The following AKAP9 variants were observed in gnomAD, a reference collection of about 807,000 sequenced individuals.
AKAP9 encodes A-kinase anchoring protein 9.
Under a neutral mutation model 488.5 loss-of-function variants are expected in AKAP9, and 311 were observed. The ratio of observed to expected loss-of-function variants is 0.64; its 90% CI spans 0.58 to 0.70. The LOEUF is 0.70. AKAP9 is among the 30% of genes least tolerant of loss of function. The pLI is 0.00. For synonymous variants in AKAP9, 1,462 were observed against 1,483.5 expected (o/e 0.99, Z 0.33); for missense variants, 4,215 against 4,374.5 (o/e 0.96, Z 1.03).
intron 46 of AKAP9, among the ~76,000 whole-genome samples, chr7:92,104,845 G>A (rs1818266834): frequency 6.6e-6 from 1 of 152,020 alleles, no homozygotes; most frequent in African/African-American, 2.4e-5. Context: ...ATATAATCCT[G>A]CCTAAATACC....
intron 7 of AKAP9, among the ~76,000 whole-genome samples, chr7:91,998,756 A>G (rs1028078318): frequency 6.6e-6 from 1 of 152,088 alleles, no homozygotes; most frequent in Non-Finnish European, 1.5e-5. Flanking sequence ...TTACTTTCTC[A>G]TAGATTCCAA....
At chr7:92,057,461 G>A (rs924212446) in intron 22 of AKAP9, among the ~76,000 whole-genome samples, 1 of 151,992 alleles carries the variant, frequency 6.6e-6, no homozygotes, top group African/African-American at 2.4e-5. Flanking sequence ...TGTCTGGCAG[G>A]CTTTTTTGTG....
chr7:92,015,761 G>A (rs940726613), intron 10 of AKAP9, among the ~76,000 whole-genome samples: 2 of 152,108 alleles, frequency 1.3e-5, no homozygotes, highest in Non-Finnish European at 2.9e-5. Context: ...ATTTCTGAAC[G>A]TCCATCCTTG....
intron 35 of AKAP9, 33 bp downstream of exon 35, chr7:92,084,973 G>C: frequency 6.2e-7 from 1 of 1,607,442 alleles, no homozygotes. Flanking sequence ...TATTAACTCA[G>C]CCAGTGTTGT....
Position 91,994,755 on chromosome 7 carries a change from A to G in AKAP9, c.711A>G (p.Lys237=). The G allele has an allele frequency of 1.2e-6, 2 of 1,611,650 alleles. No homozygotes were observed. The highest frequency in any genetic ancestry group is 1.7e-6 in the Non-Finnish European group (2 of 1,179,106). Residue 237 remains lysine (K), a synonymous_variant, in exon 6 of 50, where the codon AAA becomes AAG. Coordinates refer to ENST00000356239, the MANE Select transcript of AKAP9 (RefSeq NM_005751.5). ...EFLELTEQSQ[K]LQIQFQQLQA... is the part of the protein sequence containing the mutation. ...TAGAGTTGACAGAACAGAGTCAAAA[A>G]TTACAGATTCAATTTCAGCAAGTAA...
At chr7:91,979,004 C>A (rs535318774) in intron 2 of AKAP9, among the ~76,000 whole-genome samples, 1 of 147,828 alleles carries the variant, frequency 6.8e-6, no homozygotes, top group East Asian at 2.0e-4. Flanking sequence ...TCTCGAACTC[C>A]TGACCTTAAA....
Position 92,062,400 on chromosome 7 carries a change from C to T in AKAP9, c.5891C>T (p.Ala1964Val), listed in dbSNP as rs749616629. 6.2e-7 allele frequency: 1 copy of T among 1,613,772 alleles called. No individual in the cohort carries two copies. The highest frequency in any genetic ancestry group is 1.1e-5 in the South Asian group (1 of 91,072). Residue 1964 changes from alanine to valine, a missense_variant, in exon 24 of 50, where the codon GCA becomes GTA. Ala to Val is a moderately conservative substitution (Grantham distance 64). Coordinates refer to ENST00000356239, the MANE Select transcript of AKAP9 (RefSeq NM_005751.5). ...CASNRLQELE[A>V]EQQQIQEERE... is the part of the protein sequence containing the mutation. Reference sequence around the variant, plus strand: ...AGTAACAGGTTGCAAGAATTGGAGGCAGAGCAACAGCAGATCCAAGAAGAA... The same window carrying T: ...AGTAACAGGTTGCAAGAATTGGAGGTAGAGCAACAGCAGATCCAAGAAGAA...
At chr7:92,040,406 A>T (rs1197782767) in intron 17 of AKAP9, among the ~76,000 whole-genome samples, 1 of 151,986 alleles carries the variant, frequency 6.6e-6, no homozygotes, top group African/African-American at 2.4e-5. Context: ...TTTTTTTTCT[A>T]TTAGAATTAG....
At chr7:92,093,383 G>T in intron 39 of AKAP9, 67 bp downstream of exon 39, 2 of 1,357,564 alleles carry the variant, frequency 1.5e-6, no homozygotes, top group Non-Finnish European at 2.1e-6. Context: ...TAAACACTGT[G>T]CAAATATAGA....
intron 1 of AKAP9, among the ~76,000 whole-genome samples, chr7:91,952,295 A>G (rs1439372424): frequency 6.6e-6 from 1 of 152,226 alleles, no homozygotes; most frequent in African/African-American, 2.4e-5. Flanking sequence ...AATATGATTG[A>G]ACACTTACTA....
rs1809749118 is a variant in AKAP9, at chr7:92,061,331, G to A, written c.5673G>A (p.Glu1891=). The change falls in exon 23 of 50, where the codon GAG becomes GAA. Residue 1891 remains glutamate (E), a synonymous_variant. Coordinates refer to ENST00000356239, the MANE Select transcript of AKAP9 (RefSeq NM_005751.5). Reference sequence around the variant, plus strand: ...TTAGACAGAAACAAGAAGCAACAGAGTCCCTTAAGTGCCAAGAGGAACTTC... The same window carrying A: ...TTAGACAGAAACAAGAAGCAACAGAATCCCTTAAGTGCCAAGAGGAACTTC... ...ESFRQKQEAT[E]SLKCQEELRE... 2 of 1,613,180 alleles carry A rather than the reference G, an allele frequency of 1.2e-6. No homozygotes were observed. Among genetic ancestry groups the A allele is most frequent in the Non-Finnish European group, 1.7e-6 (2 of 1,179,498 alleles).
rs192046591 is a variant in AKAP9, at chr7:92,031,506, A to T, written c.4246-6A>T. 6.1e-4 allele frequency: 978 copies of T among 1,601,330 alleles called. No individual in the cohort carries two copies. Among genetic ancestry groups the T allele is most frequent in the Non-Finnish European group, 7.8e-4 (908 of 1,168,924 alleles). On this transcript the variant is annotated splice_polypyrimidine_tract_variant and splice_region_variant and intron_variant, in intron 15 of 49. Coordinates refer to ENST00000356239, the MANE Select transcript of AKAP9 (RefSeq NM_005751.5). ...AATAAATGTCATATTTTGCTTTTAA[A>T]TGTAGTTTTCTGGTGAATTTGGAGT...
In AKAP9 at chr7:92,052,248, C is replaced by T. The variant is rs147641252; in HGVS notation, c.5369-478C>T. Among the ~76,000 whole-genome samples, 348 of 151,226 alleles carry T rather than the reference C, an allele frequency of 2.3e-3. 2 individuals are homozygous for T. The highest frequency in any genetic ancestry group is 8.1e-3 in the African/African-American group (332 of 40,904). Reference sequence around the variant, plus strand: ...GTAGGCTCAAAAGTCAGTCTGCTCCCGAAAAATCCAAGCACTTATTTCTAT... The same window carrying T: ...GTAGGCTCAAAAGTCAGTCTGCTCCTGAAAAATCCAAGCACTTATTTCTAT... On this transcript the variant is annotated intron_variant, in intron 21 of 49. Transcript: ENST00000356239.
chr7:92,049,322 A>C (rs541718836), intron 21 of AKAP9, among the ~76,000 whole-genome samples: 1 of 152,136 alleles, frequency 6.6e-6, no homozygotes, highest in Non-Finnish European at 1.5e-5. Context: ...ATTAAAAATA[A>C]AGTTTAGGGC....
chr7:91,945,476 C>G (rs1791352849), intron 1 of AKAP9, among the ~76,000 whole-genome samples: 1 of 152,162 alleles, frequency 6.6e-6, no homozygotes, highest in South Asian at 2.1e-4. Context: ...CACTGTACTC[C>G]AGCCTGGGTG....
At chr7:91,954,501 C>A (rs1454984743) in intron 1 of AKAP9, among the ~76,000 whole-genome samples, 3 of 152,332 alleles carry the variant, frequency 2.0e-5, no homozygotes, top group East Asian at 3.9e-4. Flanking sequence ...GTCCTGGACT[C>A]AAGTGATCCT....
chr7:92,004,878 G>T (rs986736010), intron 8 of AKAP9, among the ~76,000 whole-genome samples: 1 of 152,148 alleles, frequency 6.6e-6, no homozygotes, highest in African/African-American at 2.4e-5. Flanking sequence ...GTGAGAGAGG[G>T]CATCCCTGTC....
rs1270336696 is a variant in AKAP9 at position 92,077,785 on chromosome 7, A to T, written c.6855A>T (p.Gln2285His). The T allele has an allele frequency of 6.2e-7, 1 of 1,613,922 alleles. No homozygotes were observed. The highest frequency in any genetic ancestry group is 1.7e-5 in the Admixed American group (1 of 60,024). ...DQHVLFGKFAQIIQEKEVEID... is the reference protein window; with the variant it reads ...DQHVLFGKFAHIIQEKEVEID... ...ATGTGCTATTTGGGAAATTTGCTCA[A>T]ATAATACAGGAAAAAGAGGTAGAAA... Residue 2285 changes from glutamine (Q) to histidine (H), a missense_variant, in exon 30 of 50, where the codon CAA (glutamine) becomes CAT (histidine). Gln to His is a conservative substitution (Grantham distance 24). Coordinates refer to ENST00000356239, the MANE Select transcript of AKAP9 (RefSeq NM_005751.5).
chr7:91,973,286 T>A (rs912478473), intron 1 of AKAP9, among the ~76,000 whole-genome samples: 1 of 152,046 alleles, frequency 6.6e-6, no homozygotes, highest in African/African-American at 2.4e-5. Context: ...GGGGCTGAAG[T>A]GGGAGGATCT....
Sources: gnomAD v4.1 joint callset for allele counts (sites outside exome capture counted in the v4.1 genomes callset) on GRCh38, gnomAD v4.1.1 for gene constraint, MANE v1.5 for transcripts, NCBI Gene and HGNC (gene_info 2026-07-23, HGNC 2026-07-21) for gene names.